DOCK2: variants seen among roughly 807,000 people sequenced by gnomAD.
DOCK2 encodes dedicator of cytokinesis 2.
DOCK2 carries 87 observed loss-of-function variants against 248.9 expected under a neutral mutation model. The observed-to-expected ratio is 0.35, with a 90% confidence interval of 0.29 to 0.42. DOCK2 has a LOEUF of 0.42. Among genes scored for constraint, DOCK2 ranks in the 10% least tolerant of loss-of-function variants. The pLI is 1.00. For synonymous variants in DOCK2, 805 were observed against 821.6 expected (o/e 0.98, Z 0.35); for missense variants, 1,747 against 2,300.2 (o/e 0.76, Z 4.92).
chr5:169,876,560 G>T (rs1275477456), intron 27 of DOCK2, among the ~76,000 whole-genome samples: 1 of 152,166 alleles, frequency 6.6e-6, no homozygotes, highest in African/African-American at 2.4e-5. Context: ...GAAGAACAAG[G>T]GTTTCAATGT....
chr5:169,740,828 G>A (rs962226192), intron 22 of DOCK2, among the ~76,000 whole-genome samples: 2 of 152,096 alleles, frequency 1.3e-5, no homozygotes, highest in Non-Finnish European at 1.5e-5. Context: ...CACTGTGTAT[G>A]TGTTTTGTTT....
At chr5:169,916,659 G>A (rs966529634) in intron 27 of DOCK2, among the ~76,000 whole-genome samples, 1 of 139,246 alleles carries the variant, frequency 7.2e-6, no homozygotes, top group East Asian at 2.1e-4. Flanking sequence ...TATTAGGTTA[G>A]GGATTGGTAA....
At chr5:170,018,922 G>T in intron 32 of DOCK2, 38 bp from the exon 33 acceptor site, 2 of 1,602,508 alleles carry the variant, frequency 1.2e-6, no homozygotes, top group East Asian at 2.2e-5. Flanking sequence ...GTGCGTCGCC[G>T]AACTGTTTTA....
At chr5:169,637,473 C>G in intron 1 of DOCK2, 104 bp downstream of exon 1, 1 of 1,234,618 alleles carries the variant, frequency 8.1e-7, no homozygotes, top group Non-Finnish European at 1.0e-6. Context: ...GCAGGGCGCG[C>G]TGCCTGCAGG....
intron 51 of DOCK2, 112 bp from the exon 52 acceptor site, chr5:170,082,684 C>A: frequency 7.4e-7 from 1 of 1,353,168 alleles, no homozygotes; most frequent in Non-Finnish European, 1.0e-6. Context: ...ATTCACTGGG[C>A]TTTGGGCAGG....
At chr5:169,991,443 G>A (rs1778203344) in intron 29 of DOCK2, among the ~76,000 whole-genome samples, 1 of 152,224 alleles carries the variant, frequency 6.6e-6, no homozygotes, top group Non-Finnish European at 1.5e-5. Context: ...GGTTCCTCAT[G>A]GAATCATCTG....
intron 27 of DOCK2, among the ~76,000 whole-genome samples, chr5:169,956,880 G>A (rs564151989): frequency 5.4e-4 from 82 of 152,242 alleles, no homozygotes; most frequent in Admixed American, 1.3e-3. Flanking sequence ...AAAATGTGTA[G>A]GATGTTTCTG....
At chr5:169,715,501 G>C (rs1027939846) in intron 19 of DOCK2, among the ~76,000 whole-genome samples, 1 of 152,042 alleles carries the variant, frequency 6.6e-6, no homozygotes, top group Non-Finnish European at 1.5e-5. Flanking sequence ...AACTCCCCAA[G>C]ACACCACTTT....
rs1390406721 is a variant in DOCK2, at chr5:169,853,947, T to C, written c.2799+13095T>C. Among the ~76,000 whole-genome samples the C allele has an allele frequency of 9.7e-5, 14 of 145,018 alleles. No individual in the cohort carries two copies. The Admixed American group carries it at 9.8e-4, about 10-fold the overall frequency. ...GCCTCCCGGGTTCACACCATTCTCCTGCCTCAGCCTCCCGAGTAGCTGGGA... is the reference window on the plus strand; with the variant it reads ...GCCTCCCGGGTTCACACCATTCTCCCGCCTCAGCCTCCCGAGTAGCTGGGA... On this transcript the variant is annotated intron_variant, in intron 27 of 51. Coordinates refer to ENST00000520908, the MANE Select transcript of DOCK2 (RefSeq NM_004946.3).
intron 27 of DOCK2, among the ~76,000 whole-genome samples, chr5:169,867,677 A>G (rs1441001929): frequency 1.3e-5 from 2 of 152,016 alleles, no homozygotes; most frequent in East Asian, 1.9e-4. Context: ...GTCTCTATCT[A>G]TTGATCCCCC....
chr5:169,917,554 T>C (rs1272849737), intron 27 of DOCK2, among the ~76,000 whole-genome samples: 2 of 152,152 alleles, frequency 1.3e-5, no homozygotes, highest in East Asian at 3.9e-4. Flanking sequence ...AAGAGAAGTG[T>C]AGGATAAAAT....
intron 25 of DOCK2, among the ~76,000 whole-genome samples, chr5:169,791,259 A>G (rs1766321371): frequency 6.6e-6 from 1 of 152,222 alleles, no homozygotes; most frequent in African/African-American, 2.4e-5. Context: ...TGATGAGGAA[A>G]AGGTAGCGAA....
At position 169,717,413 on chromosome 5, in the gene DOCK2, G is replaced by A. The variant is rs776038873; in HGVS notation, c.2061G>A (p.Arg687=). ...LIYIIGLIAD[R]KFQHFNTVLE... is the part of the protein sequence containing the mutation. The stretch of plus-strand genomic sequence containing the variant: ...ACATAATAGGACTCATTGCAGACCG[G>A]AAATTTCAGCATTTCAACACCGTTC... Residue 687 remains arginine (R), a synonymous_variant, in exon 21 of 52, where the codon CGG becomes CGA. Coordinates refer to ENST00000520908, the MANE Select transcript of DOCK2 (RefSeq NM_004946.3). 1.9e-6 allele frequency: 3 copies of A among 1,613,894 alleles called. No individual in the cohort carries two copies. Among genetic ancestry groups the A allele is most frequent in the Non-Finnish European group, 2.5e-6 (3 of 1,179,832 alleles).
chr5:169,896,511 G>T (rs1773617952), intron 27 of DOCK2, among the ~76,000 whole-genome samples: 1 of 152,158 alleles, frequency 6.6e-6, no homozygotes, highest in Non-Finnish European at 1.5e-5. Flanking sequence ...AGAAGATGTA[G>T]CTAATAATAT....
At chr5:170,073,742 T>C (rs1458635484) in intron 46 of DOCK2, among the ~76,000 whole-genome samples, 1 of 152,194 alleles carries the variant, frequency 6.6e-6, no homozygotes, top group Non-Finnish European at 1.5e-5. Context: ...TGTTAACTTT[T>C]TGTAATACAC....
At chr5:169,795,387 T>G (rs1328673393) in intron 25 of DOCK2, among the ~76,000 whole-genome samples, 3 of 151,934 alleles carry the variant, frequency 2.0e-5, no homozygotes, top group African/African-American at 7.3e-5. Context: ...CCCCGAGGGG[T>G]TCATAAAGTG....
intron 1 of DOCK2, among the ~76,000 whole-genome samples, chr5:169,646,377 A>T (rs1757471967): frequency 6.6e-6 from 1 of 152,198 alleles, no homozygotes; most frequent in African/African-American, 2.4e-5. Flanking sequence ...CCTCACAGAC[A>T]CCCTAAGAAA....
At chr5:169,664,086 C>A (rs534698556) in intron 2 of DOCK2, among the ~76,000 whole-genome samples, 1 of 152,214 alleles carries the variant, frequency 6.6e-6, no homozygotes. Flanking sequence ...CAGGTCAAAT[C>A]TTGAATGCTA....
At chr5:169,890,785 T>C (rs1251784745) in intron 27 of DOCK2, among the ~76,000 whole-genome samples, 1 of 152,190 alleles carries the variant, frequency 6.6e-6, no homozygotes, top group East Asian at 1.9e-4. Context: ...CTATATACCA[T>C]GTTTGACTTT....
Sources: gnomAD v4.1 joint callset for allele counts (sites outside exome capture counted in the v4.1 genomes callset) on GRCh38, gnomAD v4.1.1 for gene constraint, MANE v1.5 for transcripts, NCBI Gene and HGNC (gene_info 2026-07-23, HGNC 2026-07-21) for gene names.